Variants in ASXL2 observed in about 807,000 individuals in gnomAD.
The protein encoded by ASXL2 is putative Polycomb group protein ASXL2.
Under a neutral mutation model 122.0 loss-of-function variants are expected in ASXL2, and 23 were observed. The observed-to-expected ratio is 0.19, with a 90% CI of 0.14 to 0.27. The LOEUF (loss-of-function observed/expected upper bound fraction) is 0.27, where lower values mean the gene tolerates loss of function less well. ASXL2 is among the 10% of genes least tolerant of loss of function. The pLI, the probability that ASXL2 is intolerant of heterozygous loss-of-function variation, is 1.00. For missense variants in ASXL2, 1,518 were observed against 1,713.8 expected (o/e 0.89, Z 2.02); for synonymous variants, 650 against 637.0 (o/e 1.02, Z -0.31).
At chr2:25,745,125 T>C (rs2087919967) in intron 12 of ASXL2, among the ~76,000 whole-genome samples, 1 of 152,136 alleles carries the variant, frequency 6.6e-6, no homozygotes, top group South Asian at 2.1e-4. Context: ...CTCTGGCTGG[T>C]ATTATATTTA....
At chr2:25,747,342 T>C (rs546758723) in intron 12 of ASXL2, among the ~76,000 whole-genome samples, 12 of 152,318 alleles carry the variant, frequency 7.9e-5, no homozygotes, top group Non-Finnish European at 1.0e-4. Flanking sequence ...TACTACTACA[T>C]TGTGAATTTT....
chr2:25,864,592 T>C (rs999292958), intron 1 of ASXL2, among the ~76,000 whole-genome samples: 1 of 152,046 alleles, frequency 6.6e-6, no homozygotes, highest in African/African-American at 2.4e-5. Flanking sequence ...ATATTTAGTT[T>C]TGGGCACAGG....
intron 10 of ASXL2, 73 bp from the exon 11 acceptor site, chr2:25,753,712 A>G (rs2088085497): frequency 8.6e-7 from 1 of 1,166,338 alleles, no homozygotes; most frequent in East Asian, 2.4e-5. Flanking sequence ...ATAAATCATG[A>G]AAGACTCACG....
In ASXL2 at chr2:25,767,722, T is replaced by C. The variant is rs757624128; in HGVS notation, c.636A>G (p.Thr212=). 2.5e-6 allele frequency: 4 copies of C among 1,613,848 alleles called. No homozygotes were observed. Among genetic ancestry groups the C allele is most frequent in the East Asian group, 2.2e-5 (1 of 44,862 alleles). Residue 212 remains threonine (T), a synonymous_variant, in exon 8 of 13, where the codon ACA becomes ACG. Transcript: ENST00000435504. Reference sequence around the variant, plus strand: ...GTCCATCAGATTGCTTTCCTTCCCATGTTGCTAGGAGAAAAAAATACGTAT... The same window carrying C: ...GTCCATCAGATTGCTTTCCTTCCCACGTTGCTAGGAGAAAAAAATACGTAT... The part of the protein sequence containing the change: ...ASDSVPAKPA[T]WEGKQSDGQT...
rs990409553 is a variant in ASXL2 at position 25,740,497 on chromosome 2, T to C, written c.*1532A>G. On this transcript the variant is annotated 3_prime_UTR_variant, in exon 13 of 13. Transcript: ENST00000435504. ...AGGAGACTTGAAATCAATATGCAAA[T>C]GATGCAAATTGACACTCCCCCATTT... 1 of 227,998 alleles carries C rather than the reference T, an allele frequency of 4.4e-6. No homozygotes were observed. Among genetic ancestry groups the C allele is most frequent in the Non-Finnish European group, 8.7e-6 (1 of 114,944 alleles). The allele number at this position is 227,998 out of a possible 1,614,324, so 14.1% of individuals were successfully genotyped here.
intron 1 of ASXL2, among the ~76,000 whole-genome samples, chr2:25,865,213 T>G (rs1015730920): frequency 1.3e-5 from 2 of 148,308 alleles, no homozygotes; most frequent in African/African-American, 2.5e-5. Flanking sequence ...GGTGGCTCAC[T>G]TGAGGCCAGG....
intron 3 of ASXL2, among the ~76,000 whole-genome samples, chr2:25,809,282 T>G (rs1221708008): frequency 6.7e-6 from 1 of 148,516 alleles, no homozygotes; most frequent in Non-Finnish European, 1.5e-5. Flanking sequence ...CATTTTAATT[T>G]GGTCACTTCT....
chr2:25,749,296 A>G (rs572177574), intron 12 of ASXL2, among the ~76,000 whole-genome samples: 21 of 152,318 alleles, frequency 1.4e-4, no homozygotes, highest in African/African-American at 5.1e-4. Flanking sequence ...GGCCCAAAAA[A>G]TCTAAGAGGT....
intron 8 of ASXL2, 124 bp from the exon 9 acceptor site, chr2:25,759,769 A>G (rs2088208483): frequency 3.1e-6 from 3 of 979,964 alleles, no homozygotes; most frequent in East Asian, 2.5e-5. Flanking sequence ...ACTACGAAGA[A>G]GGTAACACTT....
chr2:25,868,810 C>G (rs553864879), intron 1 of ASXL2, among the ~76,000 whole-genome samples: 2 of 152,240 alleles, frequency 1.3e-5, no homozygotes, highest in East Asian at 3.9e-4. Flanking sequence ...GAGAGGACTG[C>G]TTGAGCCCAG....
rs35046164 is a variant in ASXL2, at chr2:25,790,800, C to CTTTT, written c.403+8581_403+8584dup. On this transcript the variant is annotated intron_variant, in intron 5 of 12. Coordinates refer to ENST00000435504, the MANE Select transcript of ASXL2 (RefSeq NM_018263.6). ...AAAGAGTCAATAAACAGTTTTTTGT[C>CTTTT]TTTTTTTTTTTTTTTTTTTTTGAGA... 5.1e-4 allele frequency among the ~76,000 whole-genome samples: 55 copies of CTTTT among 108,828 alleles called. 1 individual carries two copies. The highest frequency in any genetic ancestry group is 7.1e-4 in the Non-Finnish European group (39 of 55,042). The allele number at this position is 108,828 out of a possible 152,430, so 71.4% of individuals were successfully genotyped here.
chr2:25,825,327 CA>C (rs1347705504), intron 3 of ASXL2, among the ~76,000 whole-genome samples: 1 of 152,106 alleles, frequency 6.6e-6, no homozygotes, highest in Non-Finnish European at 1.5e-5. Flanking sequence ...GTAAAATATA[CA>C]TAAAATTTAC....
rs147273836 is a variant in ASXL2 at position 25,807,986 on chromosome 2, T to TACACACACACACACACACACAC, written c.144-1671_144-1650dup. On this transcript the variant is annotated intron_variant, in intron 3 of 12. Transcript: ENST00000435504. ...TAATTGGTTTAAATTAATCAGCTTT[T>TACACACACACACACACACACAC]ACACACACACACACACACACACACA... 9.6e-3 allele frequency among the ~76,000 whole-genome samples: 1,260 copies of TACACACACACACACACACACAC among 131,712 alleles called. 14 individuals carry two copies. Among genetic ancestry groups the TACACACACACACACACACACAC allele is most frequent in the African/African-American group, 0.021 (743 of 34,760 alleles). The allele number at this position is 131,712 out of a possible 152,430, so 86.4% of individuals were successfully genotyped here. A position where few individuals can be genotyped will look rare whatever the true frequency, so the allele number is the denominator to read the frequency against.
chr2:25,799,195 G>A (rs2088958019), intron 5 of ASXL2, among the ~76,000 whole-genome samples, 190 bp downstream of exon 5: 1 of 152,162 alleles, frequency 6.6e-6, no homozygotes, highest in African/African-American at 2.4e-5. Flanking sequence ...GTAGCTACTG[G>A]CTACTGTGTT....
At chr2:25,839,869 G>A (rs1383595122) in intron 2 of ASXL2, among the ~76,000 whole-genome samples, 1 of 150,646 alleles carries the variant, frequency 6.6e-6, no homozygotes, top group East Asian at 1.9e-4. Context: ...GGGACTATAG[G>A]CTTGCACTAC....
intron 2 of ASXL2, among the ~76,000 whole-genome samples, chr2:25,835,793 C>G (rs1182441981): frequency 6.6e-6 from 1 of 152,070 alleles, no homozygotes; most frequent in Non-Finnish European, 1.5e-5. Context: ...AAAACAGTTG[C>G]AGTAATTTGA....
chr2:25,827,065 T>G (rs1348734825), intron 3 of ASXL2, among the ~76,000 whole-genome samples: 1 of 150,728 alleles, frequency 6.6e-6, no homozygotes, highest in African/African-American at 2.4e-5. Flanking sequence ...CTCAAACTCC[T>G]GGGCTCAAGC....
chr2:25,806,375 A>C (rs762129488), intron 3 of ASXL2, 38 bp from the exon 4 acceptor site: 3 of 1,409,088 alleles, frequency 2.1e-6, no homozygotes, highest in Non-Finnish European at 3.0e-6. Flanking sequence ...GGAACACAAC[A>C]ATTAATTTCT....
chr2:25,794,090 C>T (rs1158622353), intron 5 of ASXL2, among the ~76,000 whole-genome samples: 2 of 152,150 alleles, frequency 1.3e-5, no homozygotes. Flanking sequence ...TAACTTAACA[C>T]ACATGTAAAT....
Sources: allele counts gnomAD v4.1 joint callset (sites outside exome capture counted in the v4.1 genomes callset), GRCh38; gene constraint gnomAD v4.1.1; transcripts MANE v1.5; gene names NCBI Gene and HGNC (gene_info 2026-07-23, HGNC 2026-07-21).